MAMDC2: variants seen among roughly 807,000 people sequenced by gnomAD.
The protein encoded by MAMDC2 is MAM domain containing 2, also known as MAM domain-containing protein 2.
MAMDC2 carries 57 observed loss-of-function variants against 89.8 expected under a neutral mutation model. That is an observed-to-expected ratio of 0.63 (90% CI 0.51 to 0.79). The LOEUF is 0.79. MAMDC2 is among the 30% of genes least tolerant of loss of function. The pLI is 0.00. For synonymous variants in MAMDC2, 313 were observed against 293.4 expected, an observed-to-expected ratio of 1.07 and a Z score of -0.68; for missense variants, 800 against 820.6, an observed-to-expected ratio of 0.97 and a Z score of 0.31.
intron 5 of MAMDC2, chr9:70,113,713 AGGGCAAG>A (rs908125855): frequency 9.8e-5 from 15 of 153,586 alleles, no homozygotes; most frequent in African/African-American, 3.6e-4. Flanking sequence ...AAGAGAGACA[AGGGCAAG>A]GGCTTACTTA....
At position 70,113,071 on chromosome 9, in the gene MAMDC2, A is replaced by G; in HGVS notation, c.582A>G (p.Gly194=). 6.2e-7 allele frequency: 1 copy of G among 1,614,070 alleles called. No homozygotes were observed. Among genetic ancestry groups the G allele is most frequent in the Non-Finnish European group, 8.5e-7 (1 of 1,179,980 alleles). ...CCAATGTGAACTGGTTTGTTGGAGG[A>G]GGAAGTATTCGGAATGTCCACTCCA... is the stretch of plus-strand genomic sequence containing the variant. ...WNPNVNWFVG[G]GSIRNVHSIL... Residue 194 remains glycine, a synonymous_variant, in exon 5 of 14, where the codon GGA becomes GGG. Transcript: ENST00000377182.
chr9:70,190,630 G>A (rs1345186199), intron 11 of MAMDC2, among the ~76,000 whole-genome samples: 1 of 150,276 alleles, frequency 6.7e-6, no homozygotes, highest in Non-Finnish European at 1.5e-5. Context: ...CCAGAAATAT[G>A]TTAGAGCTTT....
At chr9:70,097,902 T>C (rs1828069419) in intron 2 of MAMDC2, among the ~76,000 whole-genome samples, 1 of 152,168 alleles carries the variant, frequency 6.6e-6, no homozygotes. Flanking sequence ...ATTAGGGGCT[T>C]CACATGGCAA....
chr9:70,170,160 G>C, intron 10 of MAMDC2: 1 of 278,224 alleles, frequency 3.6e-6, no homozygotes, highest in Non-Finnish European at 6.6e-6. Flanking sequence ...TTTCATAAAG[G>C]CAATATACCT....
chr9:70,074,249 G>T (rs1015406947), intron 2 of MAMDC2, among the ~76,000 whole-genome samples: 3 of 152,170 alleles, frequency 2.0e-5, no homozygotes, highest in African/African-American at 4.8e-5. Flanking sequence ...GGAAAGTAAA[G>T]ATAATTTTTA....
intron 9 of MAMDC2, among the ~76,000 whole-genome samples, chr9:70,149,814 G>C (rs1490072246): frequency 3.9e-5 from 6 of 152,180 alleles, no homozygotes; most frequent in African/African-American, 1.4e-4. Flanking sequence ...AAAAAGAAGA[G>C]AGCAATAAGA....
chr9:70,117,844 G>A (rs200510755), intron 5 of MAMDC2, among the ~76,000 whole-genome samples: 1 of 152,160 alleles, frequency 6.6e-6, no homozygotes, highest in East Asian at 1.9e-4. Flanking sequence ...CTGTGCTCAT[G>A]TACATTATGG....
intron 2 of MAMDC2, among the ~76,000 whole-genome samples, chr9:70,058,339 G>A (rs965472585): frequency 1.1e-4 from 17 of 152,218 alleles, no homozygotes; most frequent in Admixed American, 2.0e-4. Flanking sequence ...GTTTATCTCC[G>A]AAGACTAAGA....
intron 11 of MAMDC2, among the ~76,000 whole-genome samples, chr9:70,208,710 C>A (rs1167435225): frequency 6.6e-6 from 1 of 151,748 alleles, no homozygotes; most frequent in Non-Finnish European, 1.5e-5. Context: ...CTGTCTTGTG[C>A]CAGTTTTCAA....
chr9:70,094,587 C>T (rs1327007683), intron 2 of MAMDC2, among the ~76,000 whole-genome samples: 1 of 152,004 alleles, frequency 6.6e-6, no homozygotes, highest in East Asian at 1.9e-4. Flanking sequence ...GAGTAATTTG[C>T]AAGAAATTGA....
intron 5 of MAMDC2, among the ~76,000 whole-genome samples, chr9:70,118,082 G>A (rs1446315704): frequency 6.6e-6 from 1 of 152,162 alleles, no homozygotes; most frequent in African/African-American, 2.4e-5. Context: ...GTAGAGGCAT[G>A]AGAGTGGATG....
At chr9:70,109,988 G>A (rs1828464366) in intron 4 of MAMDC2, among the ~76,000 whole-genome samples, 184 bp downstream of exon 4, 1 of 152,166 alleles carries the variant, frequency 6.6e-6, no homozygotes, top group Non-Finnish European at 1.5e-5. Context: ...TTTAGTGTGG[G>A]AAGGCTCATT....
intron 9 of MAMDC2, among the ~76,000 whole-genome samples, chr9:70,162,641 C>T (rs1021213627): frequency 1.3e-4 from 20 of 151,928 alleles, no homozygotes; most frequent in African/African-American, 4.8e-4. Flanking sequence ...CAGGTGTACA[C>T]CACCGTGCCC....
At chr9:70,199,276 C>T (rs1363972725) in intron 11 of MAMDC2, among the ~76,000 whole-genome samples, 2 of 128,940 alleles carry the variant, frequency 1.6e-5, no homozygotes, top group African/African-American at 5.7e-5. Context: ...GTTCCATTCC[C>T]ACCTATGAGT....
In MAMDC2 at chr9:70,126,140, CTG is replaced by C. The variant is rs1417756179; in HGVS notation, c.644-17_644-16del. On this transcript the variant is annotated splice_polypyrimidine_tract_variant and intron_variant, in intron 5 of 13. Coordinates refer to ENST00000377182, the MANE Select transcript of MAMDC2 (RefSeq NM_153267.5). ...CACCCCCAACTCTTAACACTGTGCT[CTG>C]TCTGTGTGATTTTCAGGCCACTACA... The C allele has an allele frequency of 6.3e-7, 1 of 1,596,336 alleles. No homozygotes were observed. The highest frequency in any genetic ancestry group is 1.3e-5 in the African/African-American group (1 of 74,460).
At chr9:70,137,382 C>T (rs1927115) in intron 7 of MAMDC2, among the ~76,000 whole-genome samples, 97,485 of 152,022 alleles carry the variant, frequency 0.64, 31,891 homozygotes, top group Non-Finnish European at 0.7. Flanking sequence ...TTCAGCATAA[C>T]TATAGGATAA....
chr9:70,212,614 C>A (rs984169505), intron 11 of MAMDC2, among the ~76,000 whole-genome samples: 15 of 152,178 alleles, frequency 9.9e-5, no homozygotes, highest in Non-Finnish European at 4.4e-5. Flanking sequence ...AGCTCACACT[C>A]CGTGGGCTGC....
intron 2 of MAMDC2, among the ~76,000 whole-genome samples, chr9:70,097,949 A>T: frequency 6.6e-6 from 1 of 152,190 alleles, no homozygotes; most frequent in East Asian, 1.9e-4. Context: ...CATAAAAAAC[A>T]TGCACTGAAA....
chr9:70,045,709 A>T (rs1387767710), intron 2 of MAMDC2, among the ~76,000 whole-genome samples: 1 of 152,096 alleles, frequency 6.6e-6, no homozygotes, highest in African/African-American at 2.4e-5. Context: ...TTCTGCATAC[A>T]TTAGCTTCTC....
Sources: gnomAD v4.1 joint callset for allele counts (sites outside exome capture counted in the v4.1 genomes callset) on GRCh38, gnomAD v4.1.1 for gene constraint, MANE v1.5 for transcripts, NCBI Gene and HGNC (gene_info 2026-07-23, HGNC 2026-07-21) for gene names.